VWA8: variants seen among roughly 807,000 people sequenced by gnomAD.
The protein encoded by VWA8 is von Willebrand factor A domain-containing protein 8.
A neutral mutation model predicts 241.5 loss-of-function variants in VWA8; 221 were observed. The ratio of observed to expected loss-of-function variants is 0.91; its 90% confidence interval spans 0.82 to 1.02. VWA8 has a LOEUF of 1.02. VWA8 is among the 50% of genes least tolerant of loss of function. The probability of loss-of-function intolerance (pLI) is 0.00; values close to 1 mark genes in which losing one functional copy is unlikely to be tolerated. For synonymous variants in VWA8, 852 were observed against 827.1 expected (o/e 1.03, Z -0.52); for missense variants, 2,322 against 2,328.7 (o/e 1.00, Z 0.06).
rs547773823 is a variant in VWA8, at chr13:41,950,524, A to G, written c.164-511T>C. On this transcript the variant is annotated intron_variant, in intron 1 of 44. Transcript: ENST00000379310. ...GCTGGGATTACAGGCGCCTGCCACC[A>G]TGCCCAGCTAGCTTTTTGTATTTTT... Among the ~76,000 whole-genome samples the G allele has an allele frequency of 1.3e-4, 19 of 151,912 alleles. No individual in the cohort carries two copies. In the South Asian group the frequency reaches 4.0e-3, roughly 32 times the overall value.
intron 8 of VWA8, 141 bp downstream of exon 8, chr13:41,885,779 T>G: frequency 1.5e-6 from 1 of 654,026 alleles, no homozygotes; most frequent in Non-Finnish European, 2.6e-6. Context: ...TTTACTGCAC[T>G]GCACAACAAA....
intron 34 of VWA8, among the ~76,000 whole-genome samples, chr13:41,687,125 T>G (rs986541787): frequency 1.3e-5 from 2 of 152,140 alleles, no homozygotes; most frequent in Non-Finnish European, 2.9e-5. Flanking sequence ...TTTGCAAATA[T>G]TTTTTCCCAG....
intron 2 of VWA8, among the ~76,000 whole-genome samples, chr13:41,944,620 G>A (rs1349954636): frequency 6.6e-6 from 1 of 152,122 alleles, no homozygotes; most frequent in African/African-American, 2.4e-5. Context: ...ACAACAAACT[G>A]TCCATAATCA....
At position 41,570,496 on chromosome 13, in the gene VWA8, T is replaced by C; in HGVS notation, c.5581A>G (p.Ile1861Val). Residue 1861 changes from isoleucine to valine, a missense_variant, in exon 44 of 45, where the codon ATT becomes GTT. Coordinates refer to ENST00000379310, the MANE Select transcript of VWA8 (RefSeq NM_015058.2). ...DPQVNAFAIF[I>V]GSLGDQATRL... ...GTTGCTTGATCACCTAAAGAGCCAA[T>C]AAAAATGGCAAAAGCATTTACTTGA... The C allele has an allele frequency of 6.2e-7, 1 of 1,614,138 alleles. No homozygotes were observed. The highest frequency in any genetic ancestry group is 1.1e-5 in the South Asian group (1 of 91,082).
rs1345602332 is a variant in VWA8, at chr13:41,643,382, G to T, written c.4611+27564C>A. Among the ~76,000 whole-genome samples, 8 of 152,106 alleles carry T rather than the reference G, an allele frequency of 5.3e-5. No individual in the cohort carries two copies. The East Asian group carries it at 1.5e-3, about 29-fold the overall frequency. On this transcript the variant is annotated intron_variant, in intron 37 of 44. Coordinates refer to ENST00000379310, the MANE Select transcript of VWA8 (RefSeq NM_015058.2). ...CATCACACTCCTCACTCTCCATTTT[G>T]CTATCAAGGACTTTTCATCTCTGAA... is the stretch of plus-strand genomic sequence containing the variant.
chr13:41,775,749 T>C lies in VWA8; in HGVS notation c.2349+2236A>G, dbSNP rs116061480. ...AGCATATTAGATTTTATGCCAAGGT[T>C]TGTATAGCACCCTAGGACAATTCCA... On this transcript the variant is annotated intron_variant, in intron 20 of 44. Coordinates refer to ENST00000379310, the MANE Select transcript of VWA8 (RefSeq NM_015058.2). 1.9e-3 allele frequency among the ~76,000 whole-genome samples: 290 copies of C among 152,314 alleles called. 1 individual carries two copies. Among genetic ancestry groups the C allele is most frequent in the African/African-American group, 6.7e-3 (278 of 41,562 alleles).
At chr13:41,834,689 T>C (rs1241921083) in intron 12 of VWA8, among the ~76,000 whole-genome samples, 1 of 152,154 alleles carries the variant, frequency 6.6e-6, no homozygotes, top group Non-Finnish European at 1.5e-5. Flanking sequence ...CTCAAAGACC[T>C]AGAGGCAGAA....
At chr13:41,732,381 A>G (rs1017718609) in intron 21 of VWA8, among the ~76,000 whole-genome samples, 1 of 152,076 alleles carries the variant, frequency 6.6e-6, no homozygotes, top group Non-Finnish European at 1.5e-5. Context: ...CCAGACTTAT[A>G]GATTATCCAG....
At chr13:41,741,115 G>A (rs960867108) in intron 21 of VWA8, among the ~76,000 whole-genome samples, 1 of 152,014 alleles carries the variant, frequency 6.6e-6, no homozygotes, top group East Asian at 1.9e-4. Flanking sequence ...TACTTATTAC[G>A]TATTTTAACG....
At chr13:41,844,886 A>G (rs1475274526) in intron 12 of VWA8, among the ~76,000 whole-genome samples, 1 of 152,222 alleles carries the variant, frequency 6.6e-6, no homozygotes, top group East Asian at 1.9e-4. Flanking sequence ...ACACTGCTGA[A>G]AAAAATCACG....
chr13:41,590,651 G>C lies in VWA8; in HGVS notation c.5101C>G (p.Leu1701Val). 2 of 1,613,950 alleles carry C rather than the reference G, an allele frequency of 1.2e-6. No homozygotes were observed. Among genetic ancestry groups the C allele is most frequent in the Non-Finnish European group, 1.7e-6 (2 of 1,179,944 alleles). The change falls in exon 41 of 45, where the codon CTG becomes GTG. Residue 1701 changes from leucine to valine, a missense_variant. By Grantham distance (32) the Leu-to-Val change is conservative. Transcript: ENST00000379310. Reference sequence around the variant, plus strand: ...TCACCATGACTTACTTGTGGCTCCAGCTCACCCCGACGTTTGTAGATGGCT... The same window carrying C: ...TCACCATGACTTACTTGTGGCTCCACCTCACCCCGACGTTTGTAGATGGCT... ...EKAIYKRRGE[L>V]EPQLGSPQQK...
At chr13:41,596,249 T>C (rs1593639439) in intron 40 of VWA8, among the ~76,000 whole-genome samples, 1 of 152,128 alleles carries the variant, frequency 6.6e-6, no homozygotes, top group East Asian at 1.9e-4. Context: ...CAGATAAATA[T>C]GGGTAGAAAT....
chr13:41,831,625 T>G (rs975455200), intron 13 of VWA8, among the ~76,000 whole-genome samples: 1 of 148,080 alleles, frequency 6.8e-6, no homozygotes, highest in Non-Finnish European at 1.5e-5. Flanking sequence ...TTTTTTTTTT[T>G]TTTTTTTTTT....
intron 2 of VWA8, among the ~76,000 whole-genome samples, chr13:41,937,445 T>TTG (rs1877401215): frequency 6.6e-6 from 1 of 152,132 alleles, no homozygotes; most frequent in South Asian, 2.1e-4. Context: ...CCTAGATCCA[T>TTG]TGTATGCACA....
At chr13:41,931,112 G>A (rs1219959739) in intron 2 of VWA8, among the ~76,000 whole-genome samples, 2 of 146,970 alleles carry the variant, frequency 1.4e-5, no homozygotes, top group African/African-American at 5.1e-5. Flanking sequence ...TTGCGCCACT[G>A]CACTCCAGCC....
intron 2 of VWA8, among the ~76,000 whole-genome samples, chr13:41,932,467 T>C (rs2138142203): frequency 6.6e-6 from 1 of 152,152 alleles, no homozygotes; most frequent in Non-Finnish European, 1.5e-5. Context: ...GAGGTCAGTA[T>C]TACCCTCATA....
In VWA8 at chr13:41,912,063, C is replaced by A; in HGVS notation, c.347G>T (p.Arg116Leu). The A allele has an allele frequency of 1.3e-6, 2 of 1,598,614 alleles. No individual in the cohort carries two copies. The highest frequency in any genetic ancestry group is 1.7e-6 in the Non-Finnish European group (2 of 1,170,734). Residue 116 changes from arginine to leucine, a missense_variant, in exon 3 of 45, where the codon CGA becomes CTA. Arg to Leu is a moderately radical substitution (Grantham distance 102, BLOSUM62 -2). Coordinates refer to ENST00000379310, the MANE Select transcript of VWA8 (RefSeq NM_015058.2). Reference sequence around the variant, plus strand: ...CAAGTACTGCATAGCAATAGAGCGTCGAAGAGGCCCAGGAGGTCCTATTAG... The same window carrying A: ...CAAGTACTGCATAGCAATAGAGCGTAGAAGAGGCCCAGGAGGTCCTATTAG... ...VFLIGPPGPL[R>L]RSIAMQYLEL...
At chr13:41,659,688 T>C (rs944355104) in intron 37 of VWA8, among the ~76,000 whole-genome samples, 6 of 152,178 alleles carry the variant, frequency 3.9e-5, no homozygotes, top group Non-Finnish European at 7.3e-5. Flanking sequence ...AATTCTGATC[T>C]CAACATAAAT....
In VWA8 at chr13:41,669,448, T is replaced by G. The variant is rs183180621; in HGVS notation, c.4611+1498A>C. On this transcript the variant is annotated intron_variant, in intron 37 of 44. Coordinates refer to ENST00000379310, the MANE Select transcript of VWA8 (RefSeq NM_015058.2). ...CACAAACAAACATATTAATTGCTTA[T>G]TGCACCAATCATTGTGCTACAAGCT... 7.2e-5 allele frequency among the ~76,000 whole-genome samples: 11 copies of G among 152,306 alleles called. No homozygotes were observed. In the East Asian group the frequency reaches 2.1e-3, roughly 29 times the overall value.
Sources: allele counts gnomAD v4.1 joint callset (sites outside exome capture counted in the v4.1 genomes callset), GRCh38; gene constraint gnomAD v4.1.1; transcripts MANE v1.5; gene names NCBI Gene and HGNC (gene_info 2026-07-23, HGNC 2026-07-21).